The following EPB41L5 variants were observed in gnomAD, a reference collection of about 807,000 sequenced individuals.
EPB41L5 encodes the protein band 4.1-like protein 5.
A neutral mutation model predicts 106.6 loss-of-function variants in EPB41L5; 55 were observed. That is an observed-to-expected ratio of 0.52 (90% CI 0.42 to 0.65). The LOEUF (loss-of-function observed/expected upper bound fraction) is 0.65. Ranked by LOEUF, EPB41L5 falls within the 30% of genes least tolerant of loss-of-function variation. The pLI, the probability that EPB41L5 is intolerant of heterozygous loss-of-function variation, is 0.00. For synonymous variants in EPB41L5, 297 were observed against 306.7 expected, an observed-to-expected ratio of 0.97 and a Z score of 0.33; for missense variants, 871 against 882.1, an observed-to-expected ratio of 0.99 and a Z score of 0.16.
In EPB41L5 at chr2:120,100,316, G is replaced by A. The variant is rs1306004128; in HGVS notation, c.1221+30G>A. 1.9e-6 allele frequency: 3 copies of A among 1,599,232 alleles called. No individual in the cohort carries two copies. The Admixed American group carries it at 5.0e-5, about 27-fold the overall frequency. On this transcript the variant is annotated intron_variant, in intron 15 of 24. Coordinates refer to ENST00000263713, the MANE Select transcript of EPB41L5 (RefSeq NM_020909.4). ...GACAATACTAAGCTTCTAAAACACTGGATCACCCGTTAATTATGGTAACAG... is the reference window on the plus strand; with the variant it reads ...GACAATACTAAGCTTCTAAAACACTAGATCACCCGTTAATTATGGTAACAG...
chr2:120,132,317 A>G (rs1378042044), intron 18 of EPB41L5, among the ~76,000 whole-genome samples: 1 of 152,228 alleles, frequency 6.6e-6, no homozygotes, highest in Non-Finnish European at 1.5e-5. Flanking sequence ...TGGCCCCACT[A>G]AATGGAAGAG....
chr2:120,169,690 A>T (rs543587623), intron 24 of EPB41L5, among the ~76,000 whole-genome samples: 1 of 152,326 alleles, frequency 6.6e-6, no homozygotes, highest in East Asian at 1.9e-4. Flanking sequence ...TCTAGAATTT[A>T]TAAAGAGTTC....
chr2:120,160,767 A>T, intron 20 of EPB41L5, 114 bp from the exon 21 acceptor site: 2 of 702,820 alleles, frequency 2.8e-6, no homozygotes, highest in Middle Eastern at 2.5e-4. Flanking sequence ...GCATTTTTTC[A>T]TATACCTTCC....
chr2:120,085,634 A>G (rs1027188500), intron 10 of EPB41L5, among the ~76,000 whole-genome samples: 16 of 152,130 alleles, frequency 1.1e-4, no homozygotes, highest in Non-Finnish European at 2.1e-4. Context: ...TCTCGAAGGT[A>G]GTATTTCATT....
At chr2:120,048,440 T>C (rs1295545807) in intron 3 of EPB41L5, among the ~76,000 whole-genome samples, 4 of 152,330 alleles carry the variant, frequency 2.6e-5, no homozygotes, top group African/African-American at 9.6e-5. Context: ...TTTTTGTTTA[T>C]TTGCGTAGAG....
chr2:120,059,868 G>A (rs931250195), intron 3 of EPB41L5, among the ~76,000 whole-genome samples: 2 of 152,178 alleles, frequency 1.3e-5, no homozygotes, highest in African/African-American at 2.4e-5. Flanking sequence ...GCGACAGAGC[G>A]AAACCGTGTC....
intron 16 of EPB41L5, among the ~76,000 whole-genome samples, chr2:120,122,009 C>T (rs1253498513): frequency 6.6e-6 from 1 of 152,136 alleles, no homozygotes; most frequent in Non-Finnish European, 1.5e-5. Context: ...ATCCTTTGCC[C>T]ACTTTTTGAT....
At chr2:120,126,145 T>C (rs1399307770) in intron 16 of EPB41L5, among the ~76,000 whole-genome samples, 2 of 152,120 alleles carry the variant, frequency 1.3e-5, no homozygotes, top group Non-Finnish European at 2.9e-5. Flanking sequence ...GTAAGTAATA[T>C]ATATATACGA....
chr2:120,122,931 G>T (rs2459785), intron 16 of EPB41L5, among the ~76,000 whole-genome samples: 37,108 of 152,070 alleles, frequency 0.24, 4,785 homozygotes, highest in South Asian at 0.35. Context: ...AAGCAATTGT[G>T]AATGGGAGTT....
At chr2:120,127,982 C>T in intron 17 of EPB41L5, 131 bp downstream of exon 17, 3 of 755,272 alleles carry the variant, frequency 4.0e-6, no homozygotes, top group Non-Finnish European at 3.9e-6. Context: ...AAGAGTTATG[C>T]CCTCTTGCCT....
At chr2:120,118,317 C>T (rs113086543) in intron 16 of EPB41L5, among the ~76,000 whole-genome samples, 64 of 152,246 alleles carry the variant, frequency 4.2e-4, no homozygotes, top group African/African-American at 1.4e-3. Flanking sequence ...ATTGTACCCC[C>T]GTCTCAGACC....
chr2:120,154,129 C>T (rs1486527687), intron 20 of EPB41L5, among the ~76,000 whole-genome samples: 2 of 150,732 alleles, frequency 1.3e-5, no homozygotes, highest in African/African-American at 2.4e-5. Context: ...CCTTGATTTC[C>T]TTTGCATTTC....
intron 2 of EPB41L5, among the ~76,000 whole-genome samples, chr2:120,023,383 T>G (rs1678075384): frequency 6.6e-6 from 1 of 152,172 alleles, no homozygotes; most frequent in Non-Finnish European, 1.5e-5. Context: ...AGGGGTCCAG[T>G]TTCAGTTTTC....
intron 16 of EPB41L5, among the ~76,000 whole-genome samples, chr2:120,120,702 G>A (rs997046066): frequency 1.3e-5 from 2 of 152,094 alleles, no homozygotes; most frequent in African/African-American, 2.4e-5. Context: ...TCTTCATATG[G>A]TATTGTTTGT....
intron 12 of EPB41L5, 60 bp from the exon 13 acceptor site, chr2:120,091,495 T>C: frequency 8.7e-7 from 1 of 1,151,134 alleles, no homozygotes; most frequent in Non-Finnish European, 1.3e-6. Context: ...ACTGTCTTAT[T>C]TGTGTGTGTT....
chr2:120,143,193 C>CAACTCT, intron 19 of EPB41L5, 62 bp downstream of exon 19: 1 of 1,403,940 alleles, frequency 7.1e-7, no homozygotes, highest in Non-Finnish European at 9.5e-7. Context: ...TAGAGAGTTG[C>CAACTCT]CTTCCCCAAC....
chr2:120,083,439 C>A (rs940784701), intron 10 of EPB41L5, among the ~76,000 whole-genome samples: 72 of 152,176 alleles, frequency 4.7e-4, no homozygotes, highest in African/African-American at 1.6e-3. Context: ...ATCCTGAGTT[C>A]TAGTTTGATA....
intron 24 of EPB41L5, among the ~76,000 whole-genome samples, chr2:120,173,894 A>G (rs1687806956): frequency 6.6e-6 from 1 of 152,136 alleles, no homozygotes; most frequent in African/African-American, 2.4e-5. Flanking sequence ...TTTGTTGCCC[A>G]GACTGGTCCC....
In EPB41L5 at chr2:120,167,491, C is replaced by T. The variant is rs1361215271; in HGVS notation, c.1988C>T (p.Pro663Leu). Residue 663 changes from proline (P) to leucine (L), a missense_variant, in exon 23 of 25, where the codon CCC becomes CTC. Transcript: ENST00000263713. ...PQVSSTSMITPRWIVPQSGAM... is the reference protein window; with the variant it reads ...PQVSSTSMITLRWIVPQSGAM... ...GTGTCTTCCACATCCATGATCACACCCCGGTGGATTGTTCCGGTAAGTTCA... is the reference window on the plus strand; with the variant it reads ...GTGTCTTCCACATCCATGATCACACTCCGGTGGATTGTTCCGGTAAGTTCA... 3.1e-6 allele frequency: 5 copies of T among 1,613,504 alleles called. No homozygotes were observed. The highest frequency in any genetic ancestry group is 1.1e-5 in the South Asian group (1 of 91,010).
Sources: gnomAD v4.1 joint callset for allele counts (sites outside exome capture counted in the v4.1 genomes callset) on GRCh38, gnomAD v4.1.1 for gene constraint, MANE v1.5 for transcripts, NCBI Gene and HGNC (gene_info 2026-07-23, HGNC 2026-07-21) for gene names.